Variants in RBFOX1 observed in about 807,000 individuals in gnomAD.
RBFOX1 encodes RNA binding protein fox-1 homolog 1.
RBFOX1 carries 8 observed loss-of-function variants against 57.7 expected under a neutral mutation model. That is an observed-to-expected ratio of 0.14 (90% CI 0.08 to 0.25). The LOEUF (loss-of-function observed/expected upper bound fraction) is 0.25. Ranked by LOEUF, RBFOX1 falls within the 10% of genes least tolerant of loss-of-function variation. The pLI is 1.00. For synonymous variants in RBFOX1, 326 were observed against 222.4 expected (o/e 1.47, Z -4.15); for missense variants, 611 against 548.5 (o/e 1.11, Z -1.14).
In RBFOX1 at chr16:6,898,012, C is replaced by G. The variant is rs187735840; in HGVS notation, c.-15-154045C>G. On this transcript the variant is annotated intron_variant, in intron 3 of 15. Coordinates refer to ENST00000550418, the MANE Select transcript of RBFOX1 (RefSeq NM_018723.4). ...TGCTAAACTACAGGCTCCACATGGA[C>G]AAGAGACCAGGTCAGGTTTTTCCTT... 1.4e-4 allele frequency among the ~76,000 whole-genome samples: 21 copies of G among 152,224 alleles called. No individual in the cohort carries two copies. In the East Asian group the frequency reaches 3.9e-3, roughly 28 times the overall value.
At chr16:6,657,127 C>CCTCTCCTCTT (rs550361231) in intron 3 of RBFOX1, among the ~76,000 whole-genome samples, 21 of 147,390 alleles carry the variant, frequency 1.4e-4, no homozygotes, top group South Asian at 2.2e-4. Context: ...CCTCTCCTCT[C>CCTCTCCTCTT]CTCTCCTCTT....
chr16:7,395,177 C>A (rs748417484), intron 4 of RBFOX1, among the ~76,000 whole-genome samples: 3 of 143,216 alleles, frequency 2.1e-5, no homozygotes, highest in Non-Finnish European at 4.6e-5. Context: ...TTTTTTTTTC[C>A]CTGACAGCCA....
chr16:6,254,931 A>C (rs1470306893), intron 1 of RBFOX1, among the ~76,000 whole-genome samples: 1 of 151,730 alleles, frequency 6.6e-6, no homozygotes. Flanking sequence ...TGACCCATTC[A>C]GATTCTCTCC....
chr16:6,886,087 G>T (rs779760719), intron 3 of RBFOX1, among the ~76,000 whole-genome samples: 3 of 147,948 alleles, frequency 2.0e-5, no homozygotes, highest in Non-Finnish European at 4.5e-5. Context: ...TTTTGAGACG[G>T]AGTCTCGCTC....
chr16:6,952,624 C>T (rs1350344871), intron 3 of RBFOX1, among the ~76,000 whole-genome samples: 2 of 151,682 alleles, frequency 1.3e-5, no homozygotes, highest in African/African-American at 2.4e-5. Context: ...GGCAACAGAG[C>T]AAGACTCTGT....
At chr16:5,290,597 C>T (rs1596410128) in intron 1 of RBFOX1, among the ~76,000 whole-genome samples, 1 of 151,868 alleles carries the variant, frequency 6.6e-6, no homozygotes, top group Non-Finnish European at 1.5e-5. Context: ...AGAGATGACA[C>T]TTAAGGAGAG....
At chr16:6,386,574 G>A (rs2092297118) in intron 2 of RBFOX1, among the ~76,000 whole-genome samples, 1 of 151,996 alleles carries the variant, frequency 6.6e-6, no homozygotes, top group African/African-American at 2.4e-5. Context: ...ACCAATAAAT[G>A]GAAAAATAAA....
intron 8 of RBFOX1, 138 bp downstream of exon 8, chr16:7,595,779 T>C (rs945514062): frequency 2.8e-6 from 1 of 354,220 alleles, no homozygotes; most frequent in Non-Finnish European, 4.4e-6. Flanking sequence ...TATATATTTT[T>C]ATATATAAAA....
At chr16:5,669,348 G>C (rs1479321822) in intron 3 of RBFOX1, among the ~76,000 whole-genome samples, 1 of 152,064 alleles carries the variant, frequency 6.6e-6, no homozygotes, top group South Asian at 2.1e-4. Flanking sequence ...CTCAAGGCTT[G>C]GGCTCTTTGG....
At chr16:5,907,770 G>T (rs1254494606) in intron 4 of RBFOX1, among the ~76,000 whole-genome samples, 2 of 147,066 alleles carry the variant, frequency 1.4e-5, no homozygotes, top group Non-Finnish European at 3.0e-5. Flanking sequence ...CATCATTTGA[G>T]ATGGCATCTT....
intron 1 of RBFOX1, among the ~76,000 whole-genome samples, chr16:6,223,659 C>T (rs891869184): frequency 6.6e-6 from 1 of 152,150 alleles, no homozygotes; most frequent in African/African-American, 2.4e-5. Flanking sequence ...GTCGCCTGTT[C>T]ACTCTGATGG....
At chr16:6,559,472 T>TA (rs1394923028) in intron 2 of RBFOX1, among the ~76,000 whole-genome samples, 1 of 152,116 alleles carries the variant, frequency 6.6e-6, no homozygotes, top group Non-Finnish European at 1.5e-5. Context: ...GAGAAGAGTT[T>TA]ATCCTGAACT....
intron 4 of RBFOX1, among the ~76,000 whole-genome samples, chr16:7,317,558 G>A (rs1380049162): frequency 6.6e-6 from 1 of 152,104 alleles, no homozygotes; most frequent in Non-Finnish European, 1.5e-5. Context: ...AAAGACAAAG[G>A]CACTCACCAG....
intron 2 of RBFOX1, among the ~76,000 whole-genome samples, chr16:6,447,625 G>A (rs942606916): frequency 3.3e-5 from 5 of 152,084 alleles, no homozygotes; most frequent in African/African-American, 9.7e-5. Context: ...GTATCTCTAC[G>A]TGCGCGGACA....
chr16:7,315,666 A>G (rs1274915369), intron 4 of RBFOX1, among the ~76,000 whole-genome samples: 1 of 139,468 alleles, frequency 7.2e-6, no homozygotes, highest in East Asian at 2.2e-4. Context: ...ATATATATAT[A>G]TGGAACATTA....
intron 2 of RBFOX1, among the ~76,000 whole-genome samples, chr16:6,508,118 A>T (rs2096155724): frequency 6.6e-6 from 1 of 152,226 alleles, no homozygotes; most frequent in South Asian, 2.1e-4. Context: ...CAGGAGCAGA[A>T]AACCAAATAC....
intron 3 of RBFOX1, among the ~76,000 whole-genome samples, chr16:6,973,182 A>T (rs1286302055): frequency 4.4e-5 from 5 of 113,564 alleles, no homozygotes; most frequent in East Asian, 3.1e-4. Flanking sequence ...GCTTTGAGAG[A>T]GTGTGTGTGT....
chr16:7,637,522 TTGATAG>T (rs2061971989), intron 11 of RBFOX1, among the ~76,000 whole-genome samples: 1 of 152,222 alleles, frequency 6.6e-6, no homozygotes, highest in Admixed American at 6.5e-5. Context: ...TTTTAGGTAA[TTGATAG>T]AACTTCCATG....
chr16:7,079,376 C>A (rs570357152), intron 4 of RBFOX1, among the ~76,000 whole-genome samples: 63 of 152,228 alleles, frequency 4.1e-4, no homozygotes, highest in African/African-American at 1.5e-3. Flanking sequence ...TGAGCAGGTA[C>A]AACAAAGAAA....
Sources: gnomAD v4.1 joint callset for allele counts (sites outside exome capture counted in the v4.1 genomes callset) on GRCh38, gnomAD v4.1.1 for gene constraint, MANE v1.5 for transcripts, NCBI Gene and HGNC (gene_info 2026-07-23, HGNC 2026-07-21) for gene names.